LRRC7: variants seen among roughly 807,000 people sequenced by gnomAD.
LRRC7 encodes leucine-rich repeat-containing protein 7.
In LRRC7, 23 loss-of-function variants were observed where a neutral mutation model predicts 175.7. That is an observed-to-expected ratio of 0.13 (90% CI 0.09 to 0.19). LRRC7 has a LOEUF of 0.19. Among genes scored for constraint, LRRC7 ranks in the 10% least tolerant of loss-of-function variants. The pLI is 1.00. For missense variants in LRRC7, 1,354 were observed against 1,904.7 expected, an observed-to-expected ratio of 0.71 and a Z score of 5.38; for synonymous variants, 685 against 680.9, an observed-to-expected ratio of 1.01 and a Z score of -0.09.
At chr1:69,782,150 T>C (rs534180126) in intron 3 of LRRC7, among the ~76,000 whole-genome samples, 2 of 152,122 alleles carry the variant, frequency 1.3e-5, no homozygotes, top group South Asian at 2.1e-4. Flanking sequence ...CAAAGTGTAG[T>C]TTAATCACTT....
intron 23 of LRRC7, among the ~76,000 whole-genome samples, chr1:70,054,559 T>G (rs1183558301): frequency 6.7e-6 from 1 of 150,176 alleles, no homozygotes; most frequent in East Asian, 1.9e-4. Context: ...GAAATTGAAT[T>G]ATGGTTCTTT....
In LRRC7 at chr1:69,940,955, T is replaced by C. The variant is rs376308015; in HGVS notation, c.711+9385T>C. On this transcript the variant is annotated intron_variant, in intron 8 of 26. Transcript: ENST00000651989. Reference sequence around the variant, plus strand: ...AATATAAAGAAAGGAAAAGATGATATGGGGTGGGGAGATGTCATTGGTTAG... The same window carrying C: ...AATATAAAGAAAGGAAAAGATGATACGGGGTGGGGAGATGTCATTGGTTAG... 9.9e-5 allele frequency among the ~76,000 whole-genome samples: 15 copies of C among 152,050 alleles called. No homozygotes were observed. In the East Asian group the frequency reaches 1.7e-3, roughly 18 times the overall value.
At position 69,594,605 on chromosome 1, in the gene LRRC7, T is replaced by C. The variant is rs889974348; in HGVS notation, c.2+25964T>C. The stretch of plus-strand genomic sequence containing the variant: ...CTCCTTCCATTCCTATATTCTATAC[T>C]AAGTCTCGTCCATACTCCATCCGTA... On this transcript the variant is annotated intron_variant, in intron 1 of 26. Coordinates refer to ENST00000651989, the MANE Select transcript of LRRC7 (RefSeq NM_001370785.2). 2.6e-5 allele frequency among the ~76,000 whole-genome samples: 4 copies of C among 152,340 alleles called. 1 individual carries two copies. Among genetic ancestry groups the C allele is most frequent in the South Asian group, 4.2e-4 (2 of 4,818 alleles).
At chr1:69,659,814 T>C (rs1657188241) in intron 1 of LRRC7, among the ~76,000 whole-genome samples, 1 of 151,690 alleles carries the variant, frequency 6.6e-6, no homozygotes. Flanking sequence ...TGTAGATATA[T>C]CTAAACATAG....
At chr1:69,689,225 C>T (rs1303119721) in intron 2 of LRRC7, among the ~76,000 whole-genome samples, 1 of 152,118 alleles carries the variant, frequency 6.6e-6, no homozygotes, top group Non-Finnish European at 1.5e-5. Flanking sequence ...TCCTTTCAAC[C>T]TTAAACGACT....
At chr1:69,637,117 G>A (rs966128657) in intron 1 of LRRC7, among the ~76,000 whole-genome samples, 16 of 135,590 alleles carry the variant, frequency 1.2e-4, no homozygotes, top group Non-Finnish European at 2.3e-4. Context: ...CCGCTCCCCC[G>A]CACACAGAGT....
At chr1:69,892,203 A>G (rs899718761) in intron 7 of LRRC7, among the ~76,000 whole-genome samples, 4 of 152,228 alleles carry the variant, frequency 2.6e-5, no homozygotes, top group Admixed American at 2.6e-4. Flanking sequence ...TATCAGGCAG[A>G]GAAAATAGTG....
intron 26 of LRRC7, among the ~76,000 whole-genome samples, chr1:70,121,311 A>T (rs1228536203): frequency 2.0e-5 from 3 of 152,122 alleles, no homozygotes; most frequent in Non-Finnish European, 4.4e-5. Context: ...AGAACTTTCC[A>T]GTGAGTCAAA....
intron 2 of LRRC7, among the ~76,000 whole-genome samples, chr1:69,680,641 C>G (rs1660357470): frequency 6.8e-6 from 1 of 148,094 alleles, no homozygotes; most frequent in South Asian, 2.1e-4. Context: ...TGCTCTGTGA[C>G]AGACTAGTGT....
intron 7 of LRRC7, among the ~76,000 whole-genome samples, chr1:69,858,223 A>C (rs952582680): frequency 7.2e-5 from 11 of 152,156 alleles, no homozygotes; most frequent in Non-Finnish European, 1.3e-4. Context: ...TGTCTAAAAC[A>C]CCAAAAGCAA....
intron 24 of LRRC7, 104 bp downstream of exon 24, chr1:70,076,402 C>T: frequency 2.0e-6 from 2 of 991,072 alleles, no homozygotes; most frequent in Non-Finnish European, 3.1e-6. Flanking sequence ...ACAATGCCAT[C>T]ACCATGTTGA....
At chr1:69,718,115 A>AAG (rs757612395) in intron 2 of LRRC7, among the ~76,000 whole-genome samples, 17 of 83,834 alleles carry the variant, frequency 2.0e-4, no homozygotes, top group African/African-American at 5.3e-4. Flanking sequence ...GAGAAAAAGA[A>AAG]AGAAAGAAAG....
Position 70,138,464 on chromosome 1 carries a change from A to C in LRRC7, c.*16577A>C, listed in dbSNP as rs992166867. ...GTAGTAGAAAGCAATAAATATTCTA[A>C]AATGAGGGATATTGGTCCTTTTGTG... On this transcript the variant is annotated 3_prime_UTR_variant, in exon 27 of 27. Coordinates refer to ENST00000651989, the MANE Select transcript of LRRC7 (RefSeq NM_001370785.2). 4 of 152,196 alleles carry C rather than the reference A, an allele frequency of 2.6e-5. No individual in the cohort carries two copies. The highest frequency in any genetic ancestry group is 4.4e-5 in the Non-Finnish European group (3 of 68,038). The allele number at this position is 152,196 out of a possible 1,614,324, so 9.4% of individuals were successfully genotyped here. A position where few individuals can be genotyped will look rare whatever the true frequency, so the allele number is the denominator to read the frequency against.
intron 14 of LRRC7, among the ~76,000 whole-genome samples, chr1:70,017,746 CATCT>C (rs1260331732): frequency 1.4e-4 from 21 of 152,142 alleles, no homozygotes; most frequent in Non-Finnish European, 2.2e-4. Context: ...CATTTGCTTC[CATCT>C]GAGTCAAAAA....
rs1397558861 is a variant in LRRC7 at position 70,127,887 on chromosome 1, G to C, written c.*6000G>C. 1.3e-5 allele frequency among the ~76,000 whole-genome samples: 2 copies of C among 152,148 alleles called. No homozygotes were observed. The highest frequency in any genetic ancestry group is 2.9e-5 in the Non-Finnish European group (2 of 68,032). On this transcript the variant is annotated 3_prime_UTR_variant, in exon 27 of 27. Transcript: ENST00000651989. ...ACAAGGTCTGGGTCAAATTTCCACA[G>C]GTGAGATTTTGAAACCTGGCATAAT...
At chr1:69,660,828 G>A (rs1657358649) in intron 1 of LRRC7, among the ~76,000 whole-genome samples, 1 of 152,064 alleles carries the variant, frequency 6.6e-6, no homozygotes, top group South Asian at 2.1e-4. Flanking sequence ...AGGCAGTGCA[G>A]TGACACAATT....
intron 22 of LRRC7, among the ~76,000 whole-genome samples, chr1:70,047,240 AT>A (rs1660398912): frequency 6.6e-6 from 1 of 152,192 alleles, no homozygotes; most frequent in Non-Finnish European, 1.5e-5. Context: ...TTATTGAATG[AT>A]AATACTAGCT....
At chr1:69,783,359 A>C (rs1353198671) in intron 3 of LRRC7, among the ~76,000 whole-genome samples, 3 of 152,236 alleles carry the variant, frequency 2.0e-5, no homozygotes, top group African/African-American at 7.2e-5. Context: ...ATAGACCAGT[A>C]GGCTAGAAAT....
intron 11 of LRRC7, among the ~76,000 whole-genome samples, chr1:70,004,158 A>T (rs1205575348): frequency 6.6e-6 from 1 of 152,166 alleles, no homozygotes; most frequent in East Asian, 1.9e-4. Context: ...AATCTAGATG[A>T]TTTTGTTTCT....
Sources: allele counts gnomAD v4.1 joint callset (sites outside exome capture counted in the v4.1 genomes callset), GRCh38; gene constraint gnomAD v4.1.1; transcripts MANE v1.5; gene names NCBI Gene and HGNC (gene_info 2026-07-23, HGNC 2026-07-21).